KLHL1: variants seen among roughly 807,000 people sequenced by gnomAD.
KLHL1 encodes kelch-like protein 1.
Under a neutral mutation model 77.7 loss-of-function variants are expected in KLHL1, and 47 were observed. The ratio of observed to expected loss-of-function variants is 0.60; its 90% CI spans 0.48 to 0.77. The LOEUF is 0.77. Ranked by LOEUF, KLHL1 falls within the 30% of genes least tolerant of loss-of-function variation. KLHL1 has a pLI of 0.00. For synonymous variants in KLHL1, 360 were observed against 325.2 expected (o/e 1.11, Z -1.15); for missense variants, 925 against 910.8 (o/e 1.02, Z -0.20).
At chr13:69,757,076 T>C (rs982703508) in intron 7 of KLHL1, among the ~76,000 whole-genome samples, 3 of 152,162 alleles carry the variant, frequency 2.0e-5, no homozygotes, top group African/African-American at 7.2e-5. Flanking sequence ...AGTCTCTTCA[T>C]TAGAATTCTG....
At chr13:69,753,859 A>G (rs989374477) in intron 7 of KLHL1, among the ~76,000 whole-genome samples, 9 of 151,830 alleles carry the variant, frequency 5.9e-5, no homozygotes, top group Admixed American at 5.3e-4. Flanking sequence ...AAATTTTGAG[A>G]CCAGTCTTGC....
chr13:70,028,197 A>G (rs1204146296), intron 1 of KLHL1, among the ~76,000 whole-genome samples: 1 of 152,194 alleles, frequency 6.6e-6, no homozygotes, highest in East Asian at 1.9e-4. Flanking sequence ...AAATTCAGAT[A>G]TGCTTTGAGA....
intron 1 of KLHL1, among the ~76,000 whole-genome samples, chr13:70,074,057 C>T (rs755454426): frequency 3.9e-5 from 6 of 152,038 alleles, no homozygotes; most frequent in Non-Finnish European, 8.8e-5. Context: ...AAACTCCCGA[C>T]CTCAGGTGAT....
intron 7 of KLHL1, among the ~76,000 whole-genome samples, chr13:69,778,216 A>G (rs894632802): frequency 6.6e-6 from 1 of 152,076 alleles, no homozygotes; most frequent in African/African-American, 2.4e-5. Context: ...CACAGAGGAA[A>G]ACCTAGGTTA....
chr13:70,048,364 T>C (rs1286801732), intron 1 of KLHL1, among the ~76,000 whole-genome samples: 1 of 152,234 alleles, frequency 6.6e-6, no homozygotes, highest in African/African-American at 2.4e-5. Flanking sequence ...TCTACACTTA[T>C]CTTTAACTAT....
At chr13:70,022,771 GT>G (rs1885837162) in intron 1 of KLHL1, among the ~76,000 whole-genome samples, 1 of 145,784 alleles carries the variant, frequency 6.9e-6, no homozygotes, top group Admixed American at 7.1e-5. Flanking sequence ...AATATGTCAA[GT>G]TATTCTCCAA....
intron 7 of KLHL1, among the ~76,000 whole-genome samples, chr13:69,745,604 A>G (rs1874175566): frequency 6.6e-6 from 1 of 151,930 alleles, no homozygotes; most frequent in African/African-American, 2.4e-5. Context: ...GACCATGACC[A>G]ATACACAAAA....
rs563455495 is a variant in KLHL1, at chr13:69,832,132, C to A, written c.1414+6844G>T. On this transcript the variant is annotated intron_variant, in intron 6 of 10. Coordinates refer to ENST00000377844, the MANE Select transcript of KLHL1 (RefSeq NM_020866.3). ...GACAAAAGAAAGAAATAAAGGGCAC[C>A]AAAATTGGTAAAAAGGAAGTCAAAC... is the stretch of plus-strand genomic sequence containing the variant. 9.4e-5 allele frequency among the ~76,000 whole-genome samples: 14 copies of A among 149,704 alleles called. 1 individual carries two copies. The South Asian group carries it at 2.9e-3, about 31-fold the overall frequency.
At chr13:69,886,274 T>A (rs1881214025) in intron 4 of KLHL1, among the ~76,000 whole-genome samples, 1 of 152,094 alleles carries the variant, frequency 6.6e-6, no homozygotes, top group African/African-American at 2.4e-5. Flanking sequence ...AAATAAAGAC[T>A]AAACTACTAT....
At chr13:70,102,879 C>T (rs1459971337) in intron 1 of KLHL1, among the ~76,000 whole-genome samples, 1 of 152,092 alleles carries the variant, frequency 6.6e-6, no homozygotes, top group East Asian at 1.9e-4. Context: ...ATTCATTTGA[C>T]AGTATTTATT....
At chr13:70,044,809 C>T (rs1242047201) in intron 1 of KLHL1, among the ~76,000 whole-genome samples, 2 of 152,118 alleles carry the variant, frequency 1.3e-5, no homozygotes, top group African/African-American at 4.8e-5. Context: ...AAGAAATGTT[C>T]CTGCATCCTT....
At chr13:69,935,935 A>G (rs774015494) in intron 4 of KLHL1, among the ~76,000 whole-genome samples, 10 of 152,190 alleles carry the variant, frequency 6.6e-5, no homozygotes, top group Non-Finnish European at 1.3e-4. Flanking sequence ...TTCTCTTGTC[A>G]TAAAGAAATC....
chr13:69,964,056 T>TGCTTG (rs71116970), intron 2 of KLHL1, among the ~76,000 whole-genome samples: 1 of 151,176 alleles, frequency 6.6e-6, no homozygotes, highest in Non-Finnish European at 1.5e-5. Context: ...TTTGTTTGTT[T>TGCTTG]TTTTAAAAAT....
intron 1 of KLHL1, among the ~76,000 whole-genome samples, chr13:70,076,722 T>G (rs1404516147): frequency 1.3e-5 from 2 of 151,904 alleles, no homozygotes; most frequent in African/African-American, 2.4e-5. Context: ...AGGAGAAAAT[T>G]TTTATAAAAT....
intron 1 of KLHL1, among the ~76,000 whole-genome samples, chr13:70,003,227 A>G (rs954980557): frequency 2.2e-4 from 33 of 151,872 alleles, no homozygotes; most frequent in African/African-American, 7.7e-4. Context: ...TAATCAAATC[A>G]TATTCAAGCT....
At chr13:69,825,055 G>A (rs1334095536) in intron 6 of KLHL1, among the ~76,000 whole-genome samples, 1 of 152,082 alleles carries the variant, frequency 6.6e-6, no homozygotes, top group Non-Finnish European at 1.5e-5. Context: ...ATGTGATAAA[G>A]CCATGTTGCA....
chr13:69,810,267 C>T (rs1199804804), intron 6 of KLHL1, among the ~76,000 whole-genome samples: 2 of 151,998 alleles, frequency 1.3e-5, no homozygotes, highest in Non-Finnish European at 2.9e-5. Flanking sequence ...GAAACATATG[C>T]TAAAATTTAC....
chr13:69,927,059 C>T (rs1042374479), intron 4 of KLHL1, among the ~76,000 whole-genome samples: 4 of 147,464 alleles, frequency 2.7e-5, no homozygotes, highest in African/African-American at 1.0e-4. Flanking sequence ...TAAAGACACA[C>T]ATAGTAATCA....
chr13:69,726,674 T>C (rs1873310855), intron 8 of KLHL1, among the ~76,000 whole-genome samples: 1 of 152,176 alleles, frequency 6.6e-6, no homozygotes, highest in South Asian at 2.1e-4. Context: ...TGTAAATATG[T>C]GAATTAATTT....
Sources: allele counts gnomAD v4.1 joint callset (sites outside exome capture counted in the v4.1 genomes callset), GRCh38; gene constraint gnomAD v4.1.1; transcripts MANE v1.5; gene names NCBI Gene and HGNC (gene_info 2026-07-23, HGNC 2026-07-21).